GLRA3: variants seen among roughly 807,000 people sequenced by gnomAD.
The protein encoded by GLRA3 is glycine receptor subunit alpha-3.
GLRA3 carries 44 observed loss-of-function variants against 60.4 expected under a neutral mutation model. The ratio of observed to expected loss-of-function variants is 0.73; its 90% CI spans 0.57 to 0.94. The LOEUF (loss-of-function observed/expected upper bound fraction) is 0.94. Ranked by LOEUF, GLRA3 falls within the 40% of genes least tolerant of loss-of-function variation. The pLI is 0.00. For missense variants in GLRA3, 508 were observed against 564.6 expected (o/e 0.90, Z 1.02); for synonymous variants, 223 against 192.9 (o/e 1.16, Z -1.29).
chr4:174,654,704 C>G (rs527781662), intron 9 of GLRA3, among the ~76,000 whole-genome samples: 1 of 152,030 alleles, frequency 6.6e-6, no homozygotes, highest in East Asian at 1.9e-4. Context: ...CTTGGCATGT[C>G]TTTTTAAGCC....
At chr4:174,763,047 A>C (rs1737997372) in intron 3 of GLRA3, among the ~76,000 whole-genome samples, 1 of 152,146 alleles carries the variant, frequency 6.6e-6, no homozygotes, top group Non-Finnish European at 1.5e-5. Flanking sequence ...AATTATGTTT[A>C]TGAGAAATAT....
At chr4:174,699,179 T>TTC (rs1735199231) in intron 5 of GLRA3, among the ~76,000 whole-genome samples, 1 of 151,346 alleles carries the variant, frequency 6.6e-6, no homozygotes, top group Non-Finnish European at 1.5e-5. Context: ...TTTTGTATTT[T>TTC]TTAGTAGAGA....
At chr4:174,722,331 A>C (rs544179872) in intron 4 of GLRA3, among the ~76,000 whole-genome samples, 2 of 152,320 alleles carry the variant, frequency 1.3e-5, no homozygotes, top group Admixed American at 1.3e-4. Context: ...CATGGGAAGG[A>C]AATCAGGAAT....
At chr4:174,820,542 G>A (rs1407422865) in intron 1 of GLRA3, among the ~76,000 whole-genome samples, 2 of 152,110 alleles carry the variant, frequency 1.3e-5, no homozygotes, top group Non-Finnish European at 2.9e-5. Flanking sequence ...TGGGATATGT[G>A]GCACTGGCAC....
intron 3 of GLRA3, among the ~76,000 whole-genome samples, chr4:174,762,323 A>G (rs1737973019): frequency 6.6e-6 from 1 of 151,882 alleles, no homozygotes; most frequent in Admixed American, 6.6e-5. Flanking sequence ...ACATATTTCT[A>G]TTTTGGAGTT....
intron 3 of GLRA3, among the ~76,000 whole-genome samples, chr4:174,739,986 C>A (rs1025917772): frequency 6.6e-6 from 1 of 152,142 alleles, no homozygotes; most frequent in African/African-American, 2.4e-5. Flanking sequence ...TGCAGTTTTC[C>A]TATTCTGTAT....
At position 174,817,518 on chromosome 4, in the gene GLRA3, CTTAT is replaced by C. The variant is rs539484156; in HGVS notation, c.71+11219_71+11222del. ...CAATAAGAGGCTGGTCTGTTCATCC[CTTAT>C]TTACTTTCTTGCCGTTCAACAGCCC... On this transcript the variant is annotated intron_variant, in intron 1 of 9. Transcript: ENST00000274093. Among the ~76,000 whole-genome samples, 417 of 152,288 alleles carry C rather than the reference CTTAT, an allele frequency of 2.7e-3. 3 individuals carry two copies. The highest frequency in any genetic ancestry group is 9.4e-3 in the African/African-American group (391 of 41,562).
intron 2 of GLRA3, among the ~76,000 whole-genome samples, chr4:174,768,967 C>T (rs946852995): frequency 7.9e-5 from 12 of 152,162 alleles, no homozygotes; most frequent in Admixed American, 3.3e-4. Context: ...CATACAGAAA[C>T]TAATATCTAA....
At chr4:174,682,258 T>C (rs573026364) in intron 6 of GLRA3, among the ~76,000 whole-genome samples, 1 of 152,298 alleles carries the variant, frequency 6.6e-6, no homozygotes, top group East Asian at 1.9e-4. Flanking sequence ...AATTTGCCGA[T>C]GTACAAATAT....
chr4:174,748,471 C>A (rs1021938338), intron 3 of GLRA3, among the ~76,000 whole-genome samples: 1 of 151,986 alleles, frequency 6.6e-6, no homozygotes, highest in Non-Finnish European at 1.5e-5. Context: ...GGAAAGCTTT[C>A]ATTTTAGGAG....
intron 4 of GLRA3, among the ~76,000 whole-genome samples, chr4:174,717,738 A>C (rs926149838): frequency 3.3e-5 from 5 of 152,226 alleles, no homozygotes; most frequent in African/African-American, 9.6e-5. Flanking sequence ...GTAATTTTAC[A>C]AAGTTCTCTC....
intron 3 of GLRA3, among the ~76,000 whole-genome samples, chr4:174,733,163 G>A (rs1736621969): frequency 6.6e-6 from 1 of 152,030 alleles, no homozygotes. Flanking sequence ...GAGGAAAAAG[G>A]CCAAGAAAGA....
chr4:174,642,932 T>C lies in GLRA3; in HGVS notation c.*854A>G. 1.3e-6 allele frequency: 1 copy of C among 795,516 alleles called. No homozygotes were observed. The highest frequency in any genetic ancestry group is 1.5e-6 in the Non-Finnish European group (1 of 657,168). The allele number at this position is 795,516 out of a possible 1,614,324, so 49.3% of individuals were successfully genotyped here. On this transcript the variant is annotated 3_prime_UTR_variant, in exon 10 of 10. Transcript: ENST00000274093. ...AAAGTCTTACTGAATTTTGTCCTGT[T>C]ATATCAAATTATTAAACACAATCAC...
intron 5 of GLRA3, among the ~76,000 whole-genome samples, chr4:174,711,831 A>T (rs1375807391): frequency 6.6e-6 from 1 of 152,162 alleles, no homozygotes; most frequent in Admixed American, 6.6e-5. Flanking sequence ...GACTTTTTCA[A>T]GGTACATTTC....
At chr4:174,739,759 A>G (rs919207337) in intron 3 of GLRA3, among the ~76,000 whole-genome samples, 7 of 152,144 alleles carry the variant, frequency 4.6e-5, no homozygotes, top group Non-Finnish European at 7.4e-5. Flanking sequence ...TGTAGCAAAC[A>G]TGGCTCATTT....
At chr4:174,824,988 C>A (rs984252475) in intron 1 of GLRA3, among the ~76,000 whole-genome samples, 1 of 152,008 alleles carries the variant, frequency 6.6e-6, no homozygotes, top group Non-Finnish European at 1.5e-5. Context: ...TGCCTCAGTA[C>A]ACAGTTGTGT....
intron 3 of GLRA3, among the ~76,000 whole-genome samples, chr4:174,735,442 A>C (rs1251128822): frequency 6.6e-6 from 1 of 152,232 alleles, no homozygotes; most frequent in East Asian, 1.9e-4. Flanking sequence ...AAATCCACTC[A>C]TTCCAACAGA....
chr4:174,786,081 G>T, intron 2 of GLRA3, among the ~76,000 whole-genome samples: 1 of 151,088 alleles, frequency 6.6e-6, no homozygotes, highest in East Asian at 2.0e-4. Context: ...AATTATTTTA[G>T]CTAATTATGC....
At chr4:174,732,349 G>A (rs1396554513) in intron 3 of GLRA3, among the ~76,000 whole-genome samples, 25 of 145,296 alleles carry the variant, frequency 1.7e-4, no homozygotes, top group Admixed American at 1.5e-3. Context: ...GCGAGACTCC[G>A]ACTCAAAAAT....
Sources: allele counts gnomAD v4.1 joint callset (sites outside exome capture counted in the v4.1 genomes callset), GRCh38; gene constraint gnomAD v4.1.1; transcripts MANE v1.5; gene names NCBI Gene and HGNC (gene_info 2026-07-23, HGNC 2026-07-21).